Variants in ENTREP2 observed in about 807,000 individuals in gnomAD.
The protein encoded by ENTREP2 is endosomal transmembrane epsin interactor 2.
At chr15:29,201,450 C>A in the ENTREP2 span, among the ~76,000 whole-genome samples, 8 of 152,118 alleles carry the variant, frequency 5.3e-5, no homozygotes, top group Non-Finnish European at 8.8e-5. Flanking sequence ...GTTCTCTATG[C>A]CTATTTTTCT....
chr15:29,383,549 C>A, the ENTREP2 span, among the ~76,000 whole-genome samples: 1 of 152,198 alleles, frequency 6.6e-6, no homozygotes, highest in Non-Finnish European at 1.5e-5. Context: ...AGCCAGGCAT[C>A]CGGGCACTGG....
At chr15:29,601,453 G>A in the ENTREP2 span, among the ~76,000 whole-genome samples, 46 of 143,282 alleles carry the variant, frequency 3.2e-4, no homozygotes, top group Non-Finnish European at 5.7e-4. Flanking sequence ...TTTTTCTAGA[G>A]TTACTTCCTC....
chr15:29,177,733 A>C, the ENTREP2 span, among the ~76,000 whole-genome samples: 1 of 152,248 alleles, frequency 6.6e-6, no homozygotes, highest in Non-Finnish European at 1.5e-5. Context: ...AGAGGAAGGG[A>C]CATCCAGGCG....
chr15:29,609,272 C>T, the ENTREP2 span, among the ~76,000 whole-genome samples: 7 of 150,284 alleles, frequency 4.7e-5, 1 homozygote, highest in Non-Finnish European at 1.0e-4. Flanking sequence ...CTGTATTTAT[C>T]TAACCAGTCC....
the ENTREP2 span, among the ~76,000 whole-genome samples, chr15:29,352,649 T>C: frequency 6.6e-6 from 1 of 152,158 alleles, no homozygotes; most frequent in Non-Finnish European, 1.5e-5. Flanking sequence ...CTGATGAGCC[T>C]GTCCTTCCGC....
chr15:29,377,198 G>T, the ENTREP2 span, among the ~76,000 whole-genome samples: 1 of 152,134 alleles, frequency 6.6e-6, no homozygotes, highest in Non-Finnish European at 1.5e-5. Context: ...AAGACTTCAA[G>T]TCATGCTAGT....
At chr15:29,403,301 C>G in the ENTREP2 span, among the ~76,000 whole-genome samples, 1 of 152,138 alleles carries the variant, frequency 6.6e-6, no homozygotes, top group Non-Finnish European at 1.5e-5. Context: ...CTGCCCCCCT[C>G]CCTTTCTCAA....
chr15:29,161,919 G>A, the ENTREP2 span, among the ~76,000 whole-genome samples: 1 of 152,106 alleles, frequency 6.6e-6, no homozygotes, highest in African/African-American at 2.4e-5. Context: ...AACCCCGAGA[G>A]GACCGACAGA....
the ENTREP2 span, among the ~76,000 whole-genome samples, chr15:29,218,140 C>T: frequency 4.6e-5 from 7 of 152,032 alleles, no homozygotes; most frequent in African/African-American, 9.7e-5. Flanking sequence ...GTGCCTGTTC[C>T]GGTAGAGGTG....
At chr15:29,245,034 T>A in the ENTREP2 span, among the ~76,000 whole-genome samples, 1,349 of 152,274 alleles carry the variant, frequency 8.9e-3, 18 homozygotes, top group African/African-American at 0.03. Flanking sequence ...GATGTACAGA[T>A]ACTGGAAAGC....
the ENTREP2 span, among the ~76,000 whole-genome samples, chr15:29,533,606 A>C: frequency 1.3e-5 from 2 of 152,190 alleles, no homozygotes; most frequent in Admixed American, 1.3e-4. Context: ...CAAACGGTCC[A>C]TGATGATCAC....
the ENTREP2 span, among the ~76,000 whole-genome samples, chr15:29,367,924 T>G: frequency 2.1e-5 from 3 of 145,238 alleles, no homozygotes; most frequent in African/African-American, 7.8e-5. Flanking sequence ...CACATTATAT[T>G]AGTGAAAATG....
chr15:29,349,299 C>A, the ENTREP2 span, among the ~76,000 whole-genome samples: 3 of 151,972 alleles, frequency 2.0e-5, no homozygotes, highest in Non-Finnish European at 2.9e-5. Flanking sequence ...AAAAACAAAA[C>A]AAAAGTCAGA....
chr15:29,441,913 T>C, the ENTREP2 span, among the ~76,000 whole-genome samples: 1 of 152,282 alleles, frequency 6.6e-6, no homozygotes, highest in South Asian at 2.1e-4. Context: ...TCCAGGCCCA[T>C]CTGCTGAGCT....
the ENTREP2 span, among the ~76,000 whole-genome samples, chr15:29,151,079 T>C: frequency 1.3e-5 from 2 of 152,232 alleles, no homozygotes; most frequent in Non-Finnish European, 2.9e-5. Flanking sequence ...GTAGGCTGTG[T>C]TCCATTCACA....
chr15:29,299,008 G>A, the ENTREP2 span, among the ~76,000 whole-genome samples: 1 of 152,122 alleles, frequency 6.6e-6, no homozygotes, highest in African/African-American at 2.4e-5. Context: ...GAAAAAAGAA[G>A]AGTAATGTCC....
the ENTREP2 span, among the ~76,000 whole-genome samples, chr15:29,190,945 C>T: frequency 6.6e-6 from 1 of 152,182 alleles, no homozygotes; most frequent in African/African-American, 2.4e-5. Flanking sequence ...GCGTCAAGAA[C>T]ATTTTGCAGG....
chr15:29,318,111 G>A, the ENTREP2 span, among the ~76,000 whole-genome samples: 1 of 152,168 alleles, frequency 6.6e-6, no homozygotes, highest in Admixed American at 6.5e-5. Flanking sequence ...AAACTTGAAG[G>A]AGTAATTGCA....
chr15:29,371,349 AACACACACAC>A, the ENTREP2 span, among the ~76,000 whole-genome samples: 52 of 133,980 alleles, frequency 3.9e-4, 1 homozygote, highest in Middle Eastern at 3.7e-3. Context: ...CACCCCCGCA[AACACACACAC>A]ACACACACAC....
Sources: allele counts gnomAD v4.1 joint callset (sites outside exome capture counted in the v4.1 genomes callset), GRCh38; gene constraint gnomAD v4.1.1; transcripts MANE v1.5; gene names NCBI Gene and HGNC (gene_info 2026-07-23, HGNC 2026-07-21).